Variants in ELAVL4 observed in about 807,000 individuals in gnomAD.
ELAVL4 encodes ELAV like RNA binding protein 4.
In ELAVL4, 1 loss-of-function variant was observed where a neutral mutation model predicts 35.6. That is an observed-to-expected ratio of 0.03 (90% CI 0.01 to 0.13). The LOEUF (loss-of-function observed/expected upper bound fraction) is 0.13. Among genes scored for constraint, ELAVL4 ranks in the 10% least tolerant of loss-of-function variants. The probability of loss-of-function intolerance (pLI) is 1.00; values close to 1 mark genes in which losing one functional copy is unlikely to be tolerated. For missense variants in ELAVL4, 267 were observed against 464.9 expected (o/e 0.57, Z 3.91); for synonymous variants, 156 against 171.0 (o/e 0.91, Z 0.69).
At chr1:50,187,922 C>T (rs181501545) in intron 3 of ELAVL4, among the ~76,000 whole-genome samples, 1 of 152,052 alleles carries the variant, frequency 6.6e-6, no homozygotes, top group African/African-American at 2.4e-5. Flanking sequence ...ATAGTGAAAT[C>T]CCTTCTCTAC....
At chr1:50,140,799 A>G (rs1672694637) in intron 1 of ELAVL4, among the ~76,000 whole-genome samples, 3 of 152,232 alleles carry the variant, frequency 2.0e-5, no homozygotes, top group Non-Finnish European at 4.4e-5. Context: ...ATAACTGTGT[A>G]GTGTAGATGC....
chr1:50,079,084 A>G (rs1179734275), intron 1 of ELAVL4, among the ~76,000 whole-genome samples: 1 of 151,966 alleles, frequency 6.6e-6, no homozygotes, highest in Non-Finnish European at 1.5e-5. Flanking sequence ...TGCAACTTTT[A>G]ATTTGTAATT....
chr1:50,103,211 C>T (rs1666080328), upstream of ELAVL4, among the ~76,000 whole-genome samples: 1 of 152,124 alleles, frequency 6.6e-6, no homozygotes, highest in African/African-American at 2.4e-5. Flanking sequence ...TGTCACATTT[C>T]CCCCCACAGT....
upstream of ELAVL4, chr1:50,103,897 A>G: frequency 1.2e-6 from 2 of 1,609,804 alleles, no homozygotes; most frequent in Non-Finnish European, 1.7e-6. Context: ...ACTGGTGTGA[A>G]GAGAGAGGCT....
At chr1:50,184,415 T>A (rs987166469) in intron 3 of ELAVL4, among the ~76,000 whole-genome samples, 2 of 124,432 alleles carry the variant, frequency 1.6e-5, no homozygotes, top group Non-Finnish European at 3.5e-5. Flanking sequence ...AAAAAAAAAA[T>A]CAGCACAACT....
intron 1 of ELAVL4, among the ~76,000 whole-genome samples, chr1:50,132,079 G>T (rs1385544871): frequency 6.6e-6 from 1 of 152,156 alleles, no homozygotes; most frequent in African/African-American, 2.4e-5. Context: ...TCCGATACTT[G>T]TGATTTCTGG....
At chr1:50,115,991 G>T (rs1281189352) in intron 1 of ELAVL4, among the ~76,000 whole-genome samples, 3 of 152,094 alleles carry the variant, frequency 2.0e-5, no homozygotes, top group African/African-American at 4.8e-5. Flanking sequence ...GTAAGAAAAG[G>T]TCTGCTGGAA....
At chr1:50,085,891 C>A (rs1286536356) in intron 1 of ELAVL4, among the ~76,000 whole-genome samples, 1 of 152,132 alleles carries the variant, frequency 6.6e-6, no homozygotes, top group Non-Finnish European at 1.5e-5. Flanking sequence ...GCAGAGATAT[C>A]CCCTTAGCAT....
At position 50,197,487 on chromosome 1, in the gene ELAVL4, T is replaced by C. The variant is rs1462466711; in HGVS notation, c.773+20T>C. On this transcript the variant is annotated intron_variant, in intron 6 of 6. Transcript: ENST00000371824. The stretch of plus-strand genomic sequence containing the variant: ...AAAGAGGTAATTAAAACTCCACAGA[T>C]TGCCAGATGTCCATGTTGGCACAGA... The C allele has an allele frequency of 1.3e-6, 2 of 1,561,822 alleles. No homozygotes were observed. The highest frequency in any genetic ancestry group is 1.4e-5 in the African/African-American group (1 of 71,712).
At chr1:50,168,149 A>T (rs1221035457) in intron 2 of ELAVL4, among the ~76,000 whole-genome samples, 1 of 152,188 alleles carries the variant, frequency 6.6e-6, no homozygotes, top group East Asian at 1.9e-4. Context: ...CCATCTTTAA[A>T]CCAGGCCCTA....
chr1:50,109,438 G>A (rs1043370115), intron 1 of ELAVL4, among the ~76,000 whole-genome samples: 10 of 152,134 alleles, frequency 6.6e-5, no homozygotes, highest in Non-Finnish European at 1.3e-4. Flanking sequence ...ATAAAGGCAA[G>A]GGGTGGAGGG....
At chr1:50,189,006 C>T (rs182502655) in intron 3 of ELAVL4, among the ~76,000 whole-genome samples, 2 of 152,290 alleles carry the variant, frequency 1.3e-5, no homozygotes, top group Admixed American at 1.3e-4. Flanking sequence ...CAACACCCAT[C>T]CCAGGGCCTG....
At chr1:50,108,388 T>C (rs1384569353), upstream of ELAVL4, among the ~76,000 whole-genome samples, 1 of 152,128 alleles carries the variant, frequency 6.6e-6, no homozygotes, top group African/African-American at 2.4e-5. Context: ...ATCAGCAATA[T>C]CTGGAAATAA....
chr1:50,072,176 A>G (rs1479806032), intron 1 of ELAVL4, among the ~76,000 whole-genome samples: 2 of 152,230 alleles, frequency 1.3e-5, no homozygotes, highest in Admixed American at 6.5e-5. Flanking sequence ...TAGAGTCAAG[A>G]CAGAAATGGG....
intron 3 of ELAVL4, among the ~76,000 whole-genome samples, chr1:50,187,034 G>A (rs1343253133): frequency 1.3e-5 from 2 of 152,182 alleles, no homozygotes; most frequent in Non-Finnish European, 2.9e-5. Flanking sequence ...GGGATTGTAG[G>A]TCCTTGAGAG....
intron 1 of ELAVL4, among the ~76,000 whole-genome samples, chr1:50,133,675 A>G (rs1290959238): frequency 2.0e-5 from 3 of 150,104 alleles, no homozygotes; most frequent in African/African-American, 7.3e-5. Context: ...GAAAGAAAGA[A>G]GCAGTGAAGG....
At chr1:50,188,301 C>T (rs976039665) in intron 3 of ELAVL4, among the ~76,000 whole-genome samples, 2 of 152,130 alleles carry the variant, frequency 1.3e-5, no homozygotes, top group Admixed American at 1.3e-4. Flanking sequence ...CTGTATGTCA[C>T]CTTTATGTGA....
At chr1:50,123,431 CT>C (rs1166143209) in intron 1 of ELAVL4, among the ~76,000 whole-genome samples, 2 of 151,950 alleles carry the variant, frequency 1.3e-5, no homozygotes, top group Admixed American at 6.6e-5. Context: ...CTAAAAATAC[CT>C]GTGATCTACT....
intron 5 of ELAVL4, among the ~76,000 whole-genome samples, chr1:50,196,085 A>G (rs574976384): frequency 6.6e-6 from 1 of 152,392 alleles, no homozygotes; most frequent in East Asian, 1.9e-4. Context: ...ACAAGAGTTA[A>G]TCACAGATCA....
Sources: allele counts gnomAD v4.1 joint callset (sites outside exome capture counted in the v4.1 genomes callset), GRCh38; gene constraint gnomAD v4.1.1; transcripts MANE v1.5; gene names NCBI Gene and HGNC (gene_info 2026-07-23, HGNC 2026-07-21).